Variants in NBAS observed in about 807,000 individuals in gnomAD.
NBAS encodes NBAS subunit of NRZ tethering complex, also known as NAG/BC035112 fusion.
A neutral mutation model predicts 302.5 loss-of-function variants in NBAS; 219 were observed. The observed-to-expected ratio is 0.72, with a 90% CI of 0.65 to 0.81. NBAS has a LOEUF of 0.81. NBAS is among the 30% of genes least tolerant of loss of function. The probability of loss-of-function intolerance (pLI) is 0.00; values close to 1 mark genes in which losing one functional copy is unlikely to be tolerated. For synonymous variants in NBAS, 1,118 were observed against 1,021.6 expected, an observed-to-expected ratio of 1.09 and a Z score of -1.80; for missense variants, 2,932 against 2,841.6, an observed-to-expected ratio of 1.03 and a Z score of -0.72.
chr2:14,800,785 G>GTTTT, the NBAS span, among the ~76,000 whole-genome samples: 12,620 of 128,480 alleles, frequency 0.098, 1,695 homozygotes, highest in African/African-American at 0.3. Context: ...GATTTAAATT[G>GTTTT]TTTTTGTTTT....
chr2:15,316,528 GT>G (rs1289332817), intron 38 of NBAS, among the ~76,000 whole-genome samples: 2 of 152,330 alleles, frequency 1.3e-5, no homozygotes, highest in East Asian at 3.9e-4. Context: ...CCAAAATACT[GT>G]GCTTTTCTCA....
At chr2:15,344,298 A>C (rs1672986843) in intron 35 of NBAS, among the ~76,000 whole-genome samples, 1 of 152,170 alleles carries the variant, frequency 6.6e-6, no homozygotes, top group Non-Finnish European at 1.5e-5. Flanking sequence ...AGAATCAAAT[A>C]GACACAATAA....
At chr2:14,798,504 T>C in the NBAS span, among the ~76,000 whole-genome samples, 3 of 152,184 alleles carry the variant, frequency 2.0e-5, no homozygotes, top group African/African-American at 7.2e-5. Context: ...AGAATTTTTG[T>C]TTCTGCATTC....
At chr2:14,988,586 A>G in the NBAS span, among the ~76,000 whole-genome samples, 10 of 152,210 alleles carry the variant, frequency 6.6e-5, no homozygotes, top group Admixed American at 4.6e-4. Flanking sequence ...AAGAAATACC[A>G]GGAAGATTAA....
the NBAS span, among the ~76,000 whole-genome samples, chr2:14,964,236 T>C: frequency 6.6e-6 from 1 of 152,148 alleles, no homozygotes; most frequent in Non-Finnish European, 1.5e-5. Context: ...ACACAGACGT[T>C]GGGATTAGAA....
the NBAS span, among the ~76,000 whole-genome samples, chr2:15,028,980 G>A: frequency 1.3e-5 from 2 of 152,082 alleles, no homozygotes; most frequent in African/African-American, 2.4e-5. Flanking sequence ...CTCAACACCT[G>A]GAATCATACC....
At chr2:14,808,597 T>C in the NBAS span, among the ~76,000 whole-genome samples, 263 of 152,340 alleles carry the variant, frequency 1.7e-3, no homozygotes, top group African/African-American at 6.0e-3. Flanking sequence ...GCCATGATTG[T>C]GAGGCTTCGC....
At chr2:15,257,090 TTCTC>T (rs1160873465) in intron 44 of NBAS, among the ~76,000 whole-genome samples, 2 of 152,204 alleles carry the variant, frequency 1.3e-5, no homozygotes, top group East Asian at 1.9e-4. Flanking sequence ...GATTCCCTCT[TTCTC>T]TATCTTTTGG....
chr2:15,481,975 T>C (rs774281267), intron 12 of NBAS, among the ~76,000 whole-genome samples: 6 of 152,194 alleles, frequency 3.9e-5, no homozygotes, highest in South Asian at 2.1e-4. Context: ...AGGAATGTTA[T>C]ACAGAGAAGC....
chr2:15,541,313 C>T (rs905753472), intron 6 of NBAS, among the ~76,000 whole-genome samples: 2 of 152,056 alleles, frequency 1.3e-5, no homozygotes, highest in Non-Finnish European at 2.9e-5. Flanking sequence ...GTTTCACTAA[C>T]GAGTGACACC....
intron 31 of NBAS, 70 bp from the exon 32 acceptor site, chr2:15,366,763 T>G: frequency 7.3e-7 from 1 of 1,368,774 alleles, no homozygotes; most frequent in Non-Finnish European, 1.0e-6. Flanking sequence ...GCCTTCCTAA[T>G]GCAAGGCATC....
chr2:15,164,284 G>A (rs563686586), downstream of NBAS, among the ~76,000 whole-genome samples: 2 of 152,344 alleles, frequency 1.3e-5, no homozygotes, highest in South Asian at 4.1e-4. Context: ...CCTCCAGGAT[G>A]CCCACCAGGT....
At chr2:15,213,413 A>C (rs1356067123) in intron 48 of NBAS, among the ~76,000 whole-genome samples, 2 of 152,248 alleles carry the variant, frequency 1.3e-5, no homozygotes, top group South Asian at 2.1e-4. Flanking sequence ...AAGATGAAGC[A>C]ATGTTTTCTA....
At chr2:15,161,165 A>C in the NBAS span, among the ~76,000 whole-genome samples, 1 of 152,294 alleles carries the variant, frequency 6.6e-6, no homozygotes, top group South Asian at 2.1e-4. Context: ...AACTTACGCA[A>C]GTTTATTAAC....
chr2:15,422,476 C>T (rs1677258940), intron 23 of NBAS, among the ~76,000 whole-genome samples: 1 of 151,908 alleles, frequency 6.6e-6, no homozygotes, highest in Non-Finnish European at 1.5e-5. Flanking sequence ...GTATTTCCTA[C>T]CCAATTTTTC....
the NBAS span, among the ~76,000 whole-genome samples, chr2:15,001,450 G>C: frequency 7.9e-5 from 12 of 152,048 alleles, no homozygotes; most frequent in African/African-American, 2.9e-4. Flanking sequence ...GTGATAAAAA[G>C]ATGATTACAA....
intron 6 of NBAS, among the ~76,000 whole-genome samples, chr2:15,543,177 C>A (rs546293785): frequency 6.6e-6 from 1 of 152,272 alleles, no homozygotes; most frequent in South Asian, 2.1e-4. Flanking sequence ...GTCTATACCC[C>A]CCGACTCATA....
At chr2:14,922,947 T>C in the NBAS span, among the ~76,000 whole-genome samples, 2 of 152,048 alleles carry the variant, frequency 1.3e-5, no homozygotes, top group African/African-American at 4.8e-5. Context: ...GGTCAGGAGA[T>C]CGAGACCATC....
chr2:14,792,152 C>T, the NBAS span, among the ~76,000 whole-genome samples: 2 of 152,150 alleles, frequency 1.3e-5, no homozygotes, highest in African/African-American at 4.8e-5. Context: ...ACCAAAATAA[C>T]ACTGCACAGG....
Sources: gnomAD v4.1 joint callset for allele counts (sites outside exome capture counted in the v4.1 genomes callset) on GRCh38, gnomAD v4.1.1 for gene constraint, MANE v1.5 for transcripts, NCBI Gene and HGNC (gene_info 2026-07-23, HGNC 2026-07-21) for gene names.